STK39: variants seen among roughly 807,000 people sequenced by gnomAD.
The protein encoded by STK39 is STE20/SPS1-related proline-alanine-rich protein kinase.
Under a neutral mutation model 77.8 loss-of-function variants are expected in STK39, and 20 were observed. The observed-to-expected ratio is 0.26, with a 90% confidence interval of 0.18 to 0.37. The LOEUF is 0.37. Among genes scored for constraint, STK39 ranks in the 10% least tolerant of loss-of-function variants. The pLI, the probability that STK39 is intolerant of heterozygous loss-of-function variation, is 1.00. For synonymous variants in STK39, 246 were observed against 234.1 expected, an observed-to-expected ratio of 1.05 and a Z score of -0.47; for missense variants, 479 against 656.5, an observed-to-expected ratio of 0.73 and a Z score of 2.95.
At chr2:168,242,703 T>C (rs938496617) in intron 1 of STK39, among the ~76,000 whole-genome samples, 2 of 148,030 alleles carry the variant, frequency 1.4e-5, no homozygotes, top group Non-Finnish European at 3.0e-5. Context: ...GGCAACATAG[T>C]GAGACCCCCA....
chr2:168,074,001 T>C (rs1488400434), intron 12 of STK39, among the ~76,000 whole-genome samples: 2 of 151,908 alleles, frequency 1.3e-5, no homozygotes, highest in Non-Finnish European at 1.5e-5. Flanking sequence ...AGAGCTACCA[T>C]GGGGAGGCAG....
At position 168,247,331 on chromosome 2, in the gene STK39, C is replaced by T. The variant is rs1010641229; in HGVS notation, c.105G>A (p.Pro35=). 4.8e-6 allele frequency: 5 copies of T among 1,039,192 alleles called. No individual in the cohort carries two copies. The African/African-American group carries it at 6.9e-5, about 14-fold the overall frequency. 64.4% of individuals were successfully genotyped at this position (1,039,192 alleles called of 1,614,324 possible). A position where few individuals can be genotyped will look rare whatever the true frequency, so the allele number is the denominator to read the frequency against. ...CCGGGGCCGCGGGAGCTGCCGGGGC[C>T]GGCGCTGCTGTCGCGGCCGCCGGGG... ...AAAPAAATAA[P]APAAPAAPAP... Residue 35 remains proline, a synonymous_variant, in exon 1 of 18, where the codon CCG becomes CCA. Coordinates refer to ENST00000355999, the MANE Select transcript of STK39 (RefSeq NM_013233.3).
intron 1 of STK39, among the ~76,000 whole-genome samples, chr2:168,221,229 C>CA (rs1002863548): frequency 2.0e-4 from 30 of 152,034 alleles, no homozygotes; most frequent in African/African-American, 7.0e-4. Context: ...CTGGGTACAA[C>CA]AAAAAAACCA....
chr2:168,230,387 G>A (rs1690423482), intron 1 of STK39, among the ~76,000 whole-genome samples: 1 of 152,092 alleles, frequency 6.6e-6, no homozygotes, highest in South Asian at 2.1e-4. Flanking sequence ...ACAAAGTACA[G>A]GCAAGTTTCT....
At chr2:168,201,318 T>G (rs911490778) in intron 1 of STK39, among the ~76,000 whole-genome samples, 1 of 152,232 alleles carries the variant, frequency 6.6e-6, no homozygotes, top group African/African-American at 2.4e-5. Context: ...GGCAGAAAGG[T>G]GTGGGTAGAG....
At chr2:168,100,895 G>A (rs1479502630) in intron 10 of STK39, among the ~76,000 whole-genome samples, 1 of 152,118 alleles carries the variant, frequency 6.6e-6, no homozygotes. Context: ...CTACTATAAA[G>A]ACACATGCAC....
At chr2:168,113,874 A>G (rs1409712828) in intron 10 of STK39, among the ~76,000 whole-genome samples, 2 of 152,234 alleles carry the variant, frequency 1.3e-5, no homozygotes, top group Admixed American at 1.3e-4. Flanking sequence ...AGGTAAAGAG[A>G]AAAGCAGGAG....
intron 8 of STK39, among the ~76,000 whole-genome samples, chr2:168,133,563 G>A (rs888985573): frequency 2.0e-5 from 3 of 152,084 alleles, no homozygotes; most frequent in Non-Finnish European, 2.9e-5. Flanking sequence ...GGAACTGGAA[G>A]AAATTAAGAA....
chr2:168,025,440 T>C (rs1684671323), intron 14 of STK39, among the ~76,000 whole-genome samples: 1 of 152,202 alleles, frequency 6.6e-6, no homozygotes, highest in South Asian at 2.1e-4. Context: ...AGTTCTCGTA[T>C]CATCCGTTTC....
intron 14 of STK39, among the ~76,000 whole-genome samples, chr2:168,023,424 C>T (rs961125402): frequency 1.3e-5 from 2 of 152,096 alleles, no homozygotes; most frequent in Admixed American, 6.5e-5. Context: ...AGAACACGAA[C>T]GGACACCCAT....
Position 168,087,315 on chromosome 2 carries a change from G to A in STK39, c.1090-12084C>T, listed in dbSNP as rs201372072. On this transcript the variant is annotated intron_variant, in intron 10 of 17. Transcript: ENST00000355999. The stretch of plus-strand genomic sequence containing the variant: ...CAGAAGATTTCTGACAAGCAACAGA[G>A]AAACACACTGCGATGGTCAGTTCTA... 2.0e-5 allele frequency among the ~76,000 whole-genome samples: 3 copies of A among 152,220 alleles called. No homozygotes were observed. The East Asian group carries it at 5.8e-4, about 29-fold the overall frequency.
chr2:168,067,047 C>T (rs1685815013), intron 12 of STK39, among the ~76,000 whole-genome samples: 1 of 152,204 alleles, frequency 6.6e-6, no homozygotes, highest in African/African-American at 2.4e-5. Flanking sequence ...CATGGCGAAA[C>T]TCCATCTCTA....
intron 10 of STK39, among the ~76,000 whole-genome samples, chr2:168,106,290 A>C (rs1686971023): frequency 6.6e-6 from 1 of 152,186 alleles, no homozygotes; most frequent in Non-Finnish European, 1.5e-5. Flanking sequence ...CAATTCTGAG[A>C]TATAACAGTA....
intron 2 of STK39, among the ~76,000 whole-genome samples, chr2:168,173,312 C>T (rs2105610756): frequency 6.6e-6 from 1 of 152,260 alleles, no homozygotes; most frequent in East Asian, 1.9e-4. Context: ...AAACACTTTT[C>T]AGAAAGTCTT....
At chr2:168,041,782 T>C (rs1685113708) in intron 14 of STK39, among the ~76,000 whole-genome samples, 1 of 152,224 alleles carries the variant, frequency 6.6e-6, no homozygotes, top group Non-Finnish European at 1.5e-5. Context: ...AGACCTGAAC[T>C]TGGTTTAGGC....
intron 1 of STK39, among the ~76,000 whole-genome samples, chr2:168,209,635 G>GC (rs1357009533): frequency 6.6e-6 from 1 of 151,676 alleles, no homozygotes; most frequent in East Asian, 1.9e-4. Flanking sequence ...AGCCGAGATC[G>GC]CACCACTGCA....
chr2:168,181,952 CA>C (rs1689091973), intron 2 of STK39, 25 bp downstream of exon 2: 1 of 1,592,984 alleles, frequency 6.3e-7, no homozygotes, highest in Non-Finnish European at 8.6e-7. Flanking sequence ...AAGCAACCAG[CA>C]GGTATTCCCT....
Position 168,063,635 on chromosome 2 carries a change from A to T in STK39, c.1306-65T>A, listed in dbSNP as rs1199188435. The T allele has an allele frequency of 1.2e-5, 17 of 1,408,252 alleles. No individual in the cohort carries two copies. In the South Asian group the frequency reaches 2.1e-4, roughly 17 times the overall value. 87.2% of individuals were successfully genotyped at this position (1,408,252 alleles called of 1,614,324 possible). On this transcript the variant is annotated intron_variant, in intron 13 of 17. Transcript: ENST00000355999. ...CAGGAAAGGAATGAATAAAATCACAATATCACTTGATTCATATAGCCATTT... is the reference window on the plus strand; with the variant it reads ...CAGGAAAGGAATGAATAAAATCACATTATCACTTGATTCATATAGCCATTT...
At chr2:168,030,241 AAAT>A (rs1201990118) in intron 14 of STK39, among the ~76,000 whole-genome samples, 5 of 152,238 alleles carry the variant, frequency 3.3e-5, no homozygotes, top group East Asian at 1.9e-4. Flanking sequence ...CTCTGTCTCA[AAAT>A]AATAATAATA....
Sources: gnomAD v4.1 joint callset for allele counts (sites outside exome capture counted in the v4.1 genomes callset) on GRCh38, gnomAD v4.1.1 for gene constraint, MANE v1.5 for transcripts, NCBI Gene and HGNC (gene_info 2026-07-23, HGNC 2026-07-21) for gene names.